SOX6: variants seen among roughly 807,000 people sequenced by gnomAD.
SOX6 encodes SRY-box transcription factor 6.
In SOX6, 11 loss-of-function variants were observed where a neutral mutation model predicts 97.8. The ratio of observed to expected loss-of-function variants is 0.11; its 90% CI spans 0.07 to 0.19. The LOEUF (loss-of-function observed/expected upper bound fraction) is 0.19. SOX6 is among the 10% of genes least tolerant of loss of function. The pLI is 1.00. For synonymous variants in SOX6, 360 were observed against 371.4 expected (o/e 0.97, Z 0.35); for missense variants, 810 against 1,039.5 (o/e 0.78, Z 3.04).
chr11:16,722,517 A>G (rs1254527436), intron 2 of SOX6, among the ~76,000 whole-genome samples: 3 of 152,054 alleles, frequency 2.0e-5, no homozygotes, highest in Non-Finnish European at 4.4e-5. Flanking sequence ...TGGGTGTGGT[A>G]GCACATGCCT....
intron 4 of SOX6, among the ~76,000 whole-genome samples, chr11:16,531,151 TCC>T (rs904422165): frequency 2.0e-5 from 3 of 150,734 alleles, no homozygotes; most frequent in Non-Finnish European, 3.0e-5. Context: ...AGAGAATGTT[TCC>T]TCATAGATAT....
At chr11:16,230,631 G>C (rs1283264175) in intron 4 of SOX6, among the ~76,000 whole-genome samples, 1 of 151,622 alleles carries the variant, frequency 6.6e-6, no homozygotes. Context: ...AAAGATGTCA[G>C]TTCATCCTAC....
intron 3 of SOX6, among the ~76,000 whole-genome samples, chr11:16,253,394 T>A (rs555899797): frequency 1.3e-5 from 2 of 151,962 alleles, no homozygotes; most frequent in African/African-American, 4.8e-5. Flanking sequence ...GAGTCAAATG[T>A]AGCAGTCCTA....
At chr11:16,175,712 TTC>T (rs1485685213) in intron 6 of SOX6, among the ~76,000 whole-genome samples, 1 of 151,926 alleles carries the variant, frequency 6.6e-6, no homozygotes, top group Non-Finnish European at 1.5e-5. Context: ...TTAAAATTTA[TTC>T]TGTTTAGAAA....
chr11:16,497,918 T>C (rs376313729), intron 4 of SOX6, among the ~76,000 whole-genome samples: 8 of 152,152 alleles, frequency 5.3e-5, no homozygotes, highest in South Asian at 2.1e-4. Flanking sequence ...GGAGAACTTC[T>C]CCAATCTAGC....
At chr11:16,500,368 A>C (rs879723729) in intron 4 of SOX6, among the ~76,000 whole-genome samples, 1 of 152,230 alleles carries the variant, frequency 6.6e-6, no homozygotes, top group Non-Finnish European at 1.5e-5. Context: ...TGAATAGGCA[A>C]AAACTGGAAG....
chr11:16,187,749 T>C (rs1851520777), intron 4 of SOX6, among the ~76,000 whole-genome samples: 1 of 152,320 alleles, frequency 6.6e-6, no homozygotes. Context: ...GCACTAATGG[T>C]GCTGAACAGT....
chr11:16,398,971 A>T (rs749739103), intron 1 of SOX6, among the ~76,000 whole-genome samples: 2 of 151,434 alleles, frequency 1.3e-5, no homozygotes, highest in Non-Finnish European at 3.0e-5. Context: ...AAAGATGATG[A>T]TTCAAAAGAT....
At chr11:16,260,405 AG>A (rs1853850770) in intron 3 of SOX6, among the ~76,000 whole-genome samples, 1 of 152,168 alleles carries the variant, frequency 6.6e-6, no homozygotes, top group African/African-American at 2.4e-5. Context: ...ATTTTTTTAA[AG>A]TTACTTCCCC....
At chr11:16,305,432 T>C (rs1190378448) in intron 3 of SOX6, among the ~76,000 whole-genome samples, 2 of 152,228 alleles carry the variant, frequency 1.3e-5, no homozygotes, top group Non-Finnish European at 2.9e-5. Flanking sequence ...GATGCAGAGA[T>C]GCTGGATCAC....
rs572681607 is a variant in SOX6, at chr11:16,427,664, AT to A, written c.-5+48650del. ...TCCCTACAAAGGACATGAACTCATC[AT>A]TTTTTATGGCTGCATAGTATTCCAT... is the stretch of plus-strand genomic sequence containing the variant. On this transcript the variant is annotated intron_variant, in intron 1 of 15. Coordinates refer to the SOX6 transcript ENST00000396356. Among the ~76,000 whole-genome samples the A allele has an allele frequency of 6.4e-4, 98 of 152,162 alleles. No individual in the cohort carries two copies. In the South Asian group the frequency reaches 0.02, roughly 31 times the overall value.
intron 3 of SOX6, among the ~76,000 whole-genome samples, chr11:16,306,313 G>T (rs921823211): frequency 1.3e-5 from 2 of 152,232 alleles, no homozygotes; most frequent in East Asian, 3.9e-4. Context: ...ATTTAAAAAA[G>T]AGCAAACAGC....
chr11:16,686,986 G>A (rs192048373), intron 3 of SOX6, among the ~76,000 whole-genome samples: 39 of 152,064 alleles, frequency 2.6e-4, no homozygotes, highest in African/African-American at 8.4e-4. Flanking sequence ...TTAGCCAGGC[G>A]TGGTGGCACA....
At chr11:16,078,154 T>C (rs1370957724) in intron 9 of SOX6, among the ~76,000 whole-genome samples, 1 of 152,234 alleles carries the variant, frequency 6.6e-6, no homozygotes, top group Non-Finnish European at 1.5e-5. Context: ...TGGGGATAGA[T>C]GTGTTTTCCT....
chr11:16,280,285 C>G (rs934402037), intron 3 of SOX6, among the ~76,000 whole-genome samples: 1 of 151,898 alleles, frequency 6.6e-6, no homozygotes, highest in Non-Finnish European at 1.5e-5. Flanking sequence ...TTATCAAAAA[C>G]AGAGACCTTT....
intron 3 of SOX6, among the ~76,000 whole-genome samples, chr11:16,694,392 G>A (rs767107023): frequency 6.6e-6 from 1 of 152,108 alleles, no homozygotes; most frequent in Non-Finnish European, 1.5e-5. Context: ...GTATGGTGGT[G>A]CATACCTGTA....
chr11:16,249,557 C>T (rs551838868), intron 3 of SOX6, among the ~76,000 whole-genome samples: 24 of 152,326 alleles, frequency 1.6e-4, no homozygotes, highest in African/African-American at 5.8e-4. Flanking sequence ...CTGTTCCAAC[C>T]TCTGCCTGTT....
intron 4 of SOX6, chr11:16,484,456 C>T (rs946987449): frequency 1.2e-6 from 1 of 803,458 alleles, no homozygotes; most frequent in Non-Finnish European, 2.3e-6. Flanking sequence ...CAATGAAGAG[C>T]TCCTCGCACT....
chr11:16,076,585 T>A (rs1848357921), intron 9 of SOX6, among the ~76,000 whole-genome samples: 1 of 151,774 alleles, frequency 6.6e-6, no homozygotes. Context: ...AAGAAAAAAG[T>A]TTTAATTGGC....
Sources: allele counts gnomAD v4.1 joint callset (sites outside exome capture counted in the v4.1 genomes callset), GRCh38; gene constraint gnomAD v4.1.1; transcripts MANE v1.5; gene names NCBI Gene and HGNC (gene_info 2026-07-23, HGNC 2026-07-21).